Variants in PSG2 observed in about 807,000 individuals in gnomAD.
The protein encoded by PSG2 is pregnancy-specific beta-1-glycoprotein 2.
In PSG2, 49 loss-of-function variants were observed where a neutral mutation model predicts 36.2. That is an observed-to-expected ratio of 1.35 (90% CI 1.08 to 1.72). PSG2 has a LOEUF of 1.72. Ranked by LOEUF, PSG2 falls within the 40% of genes most tolerant of loss-of-function variation. The pLI is 0.00. For synonymous variants in PSG2, 261 were observed against 155.6 expected, an observed-to-expected ratio of 1.68 and a Z score of -5.04; for missense variants, 605 against 407.2, an observed-to-expected ratio of 1.49 and a Z score of -4.18.
At position 43,074,111 on chromosome 19, in the gene PSG2, G is replaced by A. The variant is rs561774093; in HGVS notation, c.709+1243C>T. On this transcript the variant is annotated intron_variant, in intron 3 of 5. Coordinates refer to ENST00000406487, the MANE Select transcript of PSG2 (RefSeq NM_031246.4). ...TGAGAAAGGCTGATTGCTATTTTCT[G>A]TGTCATCAGAACTTTCCACCTTTTC... Among the ~76,000 whole-genome samples, 66 of 151,704 alleles carry A rather than the reference G, an allele frequency of 4.4e-4. 1 individual carries two copies. The highest frequency in any genetic ancestry group is 1.2e-3 in the African/African-American group (50 of 41,138).
In PSG2 at chr19:43,079,219, G is replaced by T. The variant is rs935045405; in HGVS notation, c.430+1662C>A. 3.3e-5 allele frequency among the ~76,000 whole-genome samples: 5 copies of T among 151,528 alleles called. 1 individual carries two copies. Among genetic ancestry groups the T allele is most frequent in the Admixed American group, 2.0e-4 (3 of 15,230 alleles). On this transcript the variant is annotated intron_variant, in intron 2 of 5. Transcript: ENST00000406487. ...GGCAGAGACACCATGGCAGTGAGCA[G>T]TGAGGGCTACACTGACGTCAGAGAC...
At chr19:43,078,700 T>C (rs940671890) in intron 2 of PSG2, among the ~76,000 whole-genome samples, 3 of 151,656 alleles carry the variant, frequency 2.0e-5, no homozygotes, top group Non-Finnish European at 4.4e-5. Context: ...GGGAGGCTGA[T>C]TTGAGTAATA....
At position 43,076,024 on chromosome 19, in the gene PSG2, A is replaced by T. The variant is rs918984197; in HGVS notation, c.431-392T>A. On this transcript the variant is annotated intron_variant, in intron 2 of 5. Coordinates refer to ENST00000406487, the MANE Select transcript of PSG2 (RefSeq NM_031246.4). ...AGTTTCAGTCTTACTTTGCCCCCTG[A>T]GGTATGTTTTCTCTGCAGCTTCCCT... 2.4e-4 allele frequency among the ~76,000 whole-genome samples: 37 copies of T among 151,540 alleles called. 1 individual carries two copies. Among genetic ancestry groups the T allele is most frequent in the African/African-American group, 8.8e-4 (36 of 40,996 alleles).
chr19:43,082,638 C>A lies in PSG2; in HGVS notation c.-69G>T. 3 of 1,584,928 alleles carry A rather than the reference C, an allele frequency of 1.9e-6. No individual in the cohort carries two copies. The highest frequency in any genetic ancestry group is 2.6e-6 in the Non-Finnish European group (3 of 1,158,914). On this transcript the variant is annotated 5_prime_UTR_variant, in exon 1 of 6. Transcript: ENST00000406487. ...GGATCCAGAAACTTCCTGAGCACGG[C>A]TGTCAGCTGTGCTGTCCTTCCTCCT...
chr19:43,068,985 A>C (rs1305557398), intron 4 of PSG2, among the ~76,000 whole-genome samples: 2 of 151,810 alleles, frequency 1.3e-5, no homozygotes, highest in Non-Finnish European at 2.9e-5. Context: ...GAACAAACCT[A>C]TTAGAATTAA....
intron 4 of PSG2, among the ~76,000 whole-genome samples, chr19:43,067,227 G>C (rs557614144): frequency 6.6e-6 from 1 of 151,350 alleles, no homozygotes; most frequent in Admixed American, 6.6e-5. Context: ...GCTCTGCATA[G>C]TGGTCTGTGG....
intron 5 of PSG2, 24 bp from the exon 6 acceptor site, chr19:43,064,625 C>G: frequency 1.6e-6 from 1 of 622,020 alleles, no homozygotes; most frequent in Non-Finnish European, 3.0e-6. Context: ...CAATTTTGGA[C>G]TGTAGGTGAT....
chr19:43,066,370 G>A, intron 5 of PSG2, 147 bp downstream of exon 5: 2 of 659,478 alleles, frequency 3.0e-6, no homozygotes, highest in Non-Finnish European at 2.8e-6. Context: ...GGGAGAAAGG[G>A]AACTGCAGGA....
At chr19:43,074,661 A>C (rs994794283) in intron 3 of PSG2, among the ~76,000 whole-genome samples, 5 of 151,706 alleles carry the variant, frequency 3.3e-5, no homozygotes, top group African/African-American at 7.3e-5. Context: ...GATAGACTTC[A>C]CTGGAAAACA....
In PSG2 at chr19:43,067,687, A is replaced by G. The variant is rs1033451354; in HGVS notation, c.965-1087T>C. Among the ~76,000 whole-genome samples the G allele has an allele frequency of 9.9e-5, 15 of 151,242 alleles. 1 individual carries two copies. Among genetic ancestry groups the G allele is most frequent in the African/African-American group, 3.7e-4 (15 of 40,726 alleles). On this transcript the variant is annotated intron_variant, in intron 4 of 5. Coordinates refer to ENST00000406487, the MANE Select transcript of PSG2 (RefSeq NM_031246.4). ...TTCATTCTAGGACTATTTGACCTCA[A>G]GGTTGATGATGATGATAGTAATATA...
At chr19:43,075,231 C>T in intron 3 of PSG2, 123 bp downstream of exon 3, 1 of 1,594,500 alleles carries the variant, frequency 6.3e-7, no homozygotes, top group East Asian at 2.2e-5. Context: ...AAGTCATGGC[C>T]AGCTTTGATG....
chr19:43,070,627 A>T (rs565469860), intron 4 of PSG2, among the ~76,000 whole-genome samples: 1 of 151,836 alleles, frequency 6.6e-6, no homozygotes, highest in East Asian at 1.9e-4. Context: ...TTCCATTTAT[A>T]AAAGATAGTT....
At chr19:43,066,668 C>A (rs1967743827) in intron 4 of PSG2, 68 bp from the exon 5 acceptor site, 5 of 1,476,776 alleles carry the variant, frequency 3.4e-6, no homozygotes, top group East Asian at 2.3e-5. Flanking sequence ...GCATCAGGAA[C>A]AAGCATGTAA....
chr19:43,079,115 G>A (rs986189711), intron 2 of PSG2, among the ~76,000 whole-genome samples: 2 of 151,668 alleles, frequency 1.3e-5, no homozygotes, highest in East Asian at 1.9e-4. Context: ...CTAGGTGTGA[G>A]GGAAGAAGCT....
Position 43,071,856 on chromosome 19 carries a change from G to C in PSG2, c.808C>G (p.Gln270Glu), listed in dbSNP as rs1158318776. The change falls in exon 4 of 6, where the codon CAG becomes GAG. Residue 270 changes from glutamine (Q) to glutamate (E), a missense_variant. By Grantham distance (29) the Gln-to-Glu change is conservative. Coordinates refer to ENST00000406487, the MANE Select transcript of PSG2 (RefSeq NM_031246.4). ...SCFANSNPPA[Q>E]YSWTINGKFQ... ...TTCCCATTAATTGTCCAAGAATACT[G>C]TGCCGGTGGGTTAGAGTTCGCGAAG... 9 of 1,613,030 alleles carry C rather than the reference G, an allele frequency of 5.6e-6. No homozygotes were observed. In the African/African-American group the frequency reaches 9.4e-5, roughly 17 times the overall value.
rs530782716 is a variant in PSG2, at chr19:43,072,399, C to T, written c.710-445G>A. 225 of 1,612,490 alleles carry T rather than the reference C, an allele frequency of 1.4e-4. 2 individuals carry two copies. Among genetic ancestry groups the T allele is most frequent in the Non-Finnish European group, 1.8e-4 (211 of 1,179,634 alleles). ...TCACTGTGGATGCCACCATATCGGT[C>T]CCGTATTTCACATTCATAGGGTCCT... On this transcript the variant is annotated intron_variant, in intron 3 of 5. Coordinates refer to ENST00000406487, the MANE Select transcript of PSG2 (RefSeq NM_031246.4).
Position 43,068,283 on chromosome 19 carries a change from A to G in PSG2, c.965-1683T>C, listed in dbSNP as rs558197332. Among the ~76,000 whole-genome samples, 31 of 151,358 alleles carry G rather than the reference A, an allele frequency of 2.0e-4. No homozygotes were observed. The South Asian group carries it at 4.8e-3, about 23-fold the overall frequency. ...GACGCTGTGTGTACAAAAAAATAAA[A>G]AACCAATTAGCTGGGCATGTTGACA... is the stretch of plus-strand genomic sequence containing the variant. On this transcript the variant is annotated intron_variant, in intron 4 of 5. Coordinates refer to ENST00000406487, the MANE Select transcript of PSG2 (RefSeq NM_031246.4).
At chr19:43,075,061 T>A (rs1274769251) in intron 3 of PSG2, among the ~76,000 whole-genome samples, 5 of 151,670 alleles carry the variant, frequency 3.3e-5, no homozygotes, top group African/African-American at 9.7e-5. Context: ...AACACTGAAC[T>A]CCCAGCCAAA....
chr19:43,076,319 G>A (rs1338269205), intron 2 of PSG2, among the ~76,000 whole-genome samples: 12 of 151,702 alleles, frequency 7.9e-5, no homozygotes, highest in South Asian at 2.1e-4. Flanking sequence ...AAGGGGACAG[G>A]CAAGAGCTGA....
Sources: allele counts gnomAD v4.1 joint callset (sites outside exome capture counted in the v4.1 genomes callset), GRCh38; gene constraint gnomAD v4.1.1; transcripts MANE v1.5; gene names NCBI Gene and HGNC (gene_info 2026-07-23, HGNC 2026-07-21).